The following KDM7A variants were observed in gnomAD, a reference collection of about 807,000 sequenced individuals.
KDM7A encodes the protein lysine-specific demethylase 7A.
Under a neutral mutation model 114.8 loss-of-function variants are expected in KDM7A, and 28 were observed. That is an observed-to-expected ratio of 0.24 (90% confidence interval 0.18 to 0.33). The LOEUF is 0.33. Among genes scored for constraint, KDM7A ranks in the 10% least tolerant of loss-of-function variants. The pLI is 1.00. For synonymous variants in KDM7A, 423 were observed against 397.8 expected (o/e 1.06, Z -0.75); for missense variants, 942 against 1,142.5 (o/e 0.82, Z 2.53).
chr7:140,132,079 G>A (rs1451752750), intron 3 of KDM7A, among the ~76,000 whole-genome samples: 1 of 152,054 alleles, frequency 6.6e-6, no homozygotes, highest in Non-Finnish European at 1.5e-5. Flanking sequence ...GTAGAAAAGG[G>A]TCTCAAAAAA....
chr7:140,099,007 T>C lies in KDM7A; in HGVS notation c.1790A>G (p.Gln597Arg). The C allele has an allele frequency of 6.2e-7, 1 of 1,613,086 alleles. No individual in the cohort carries two copies. The highest frequency in any genetic ancestry group is 1.1e-5 in the South Asian group (1 of 90,984). The change falls in exon 14 of 20, where the codon CAA becomes CGA. Residue 597 changes from glutamine to arginine, a missense_variant. Coordinates refer to ENST00000397560, the MANE Select transcript of KDM7A (RefSeq NM_030647.2). ...TTCACTATCTGCTGTATAAAGACTT[T>C]GATCTGCAAAGGGCTGCCTTTCATC... is the stretch of plus-strand genomic sequence containing the variant. ...IKDERQPFAD[Q>R]SLYTADSENE... is the part of the protein sequence containing the mutation.
At position 140,096,704 on chromosome 7, in the gene KDM7A, G is replaced by A; in HGVS notation, c.2225C>T (p.Ala742Val). 6.2e-7 allele frequency: 1 copy of A among 1,614,128 alleles called. No homozygotes were observed. Among genetic ancestry groups the A allele is most frequent in the Non-Finnish European group, 8.5e-7 (1 of 1,180,002 alleles). The change falls in exon 17 of 20, where the codon GCA (alanine) becomes GTA (valine). Residue 742 changes from alanine (A) to valine (V), a missense_variant. This residue lies in a region of KDM7A where 512 missense variants were observed against 576.6 expected (regional missense o/e 0.89). Transcript: ENST00000397560. ...TAAACACGTGGAATAGTGCAACCCT[G>A]CCATAGACAGCATGCCCTGAATAGC... ...EEAIQGMLSM[A>V]GLHYSTCLQR...
At position 140,101,968 on chromosome 7, in the gene KDM7A, T is replaced by A; in HGVS notation, c.1621A>T (p.Met541Leu). ...ATACTTGCCTCTTCCCATGGACACATCTCTAATCTTTTGAGGACCTCCCTT... is the reference window on the plus strand; with the variant it reads ...ATACTTGCCTCTTCCCATGGACACAACTCTAATCTTTTGAGGACCTCCCTT... Reference protein sequence around the residue: ...HTREVLKRLEMCPWEEDILSS... With the variant: ...HTREVLKRLELCPWEEDILSS... Residue 541 changes from methionine to leucine, a missense_variant, in exon 12 of 20, where the codon ATG becomes TTG. This residue lies in a region of KDM7A where 512 missense variants were observed against 576.6 expected (regional missense o/e 0.89). Coordinates refer to ENST00000397560, the MANE Select transcript of KDM7A (RefSeq NM_030647.2). 1 of 1,611,496 alleles carries A rather than the reference T, an allele frequency of 6.2e-7. No individual in the cohort carries two copies.
chr7:140,171,064 C>CCAACAA (rs71520073), intron 1 of KDM7A, among the ~76,000 whole-genome samples: 14 of 150,202 alleles, frequency 9.3e-5, no homozygotes, highest in African/African-American at 2.2e-4. Context: ...CCCCCATCCC[C>CCAACAA]CAACAACAAC....
Position 140,176,392 on chromosome 7 carries a change from G to A in KDM7A, c.194+352C>T, listed in dbSNP as rs1380212020. On this transcript the variant is annotated intron_variant, in intron 1 of 19. Coordinates refer to ENST00000397560, the MANE Select transcript of KDM7A (RefSeq NM_030647.2). This position sits in a 1 kb window ranked among gnomAD's most constrained non-coding sequence, Gnocchi z 4.4. ...GCGGCGGCGGCCCGGGCTGGCGAGG[G>A]GCTGCGGACCCGGCCGGCGCTCCGC... Among the ~76,000 whole-genome samples, 2 of 144,400 alleles carry A rather than the reference G, an allele frequency of 1.4e-5. No homozygotes were observed. The highest frequency in any genetic ancestry group is 2.1e-4 in the South Asian group (1 of 4,720). 94.7% of individuals were successfully genotyped at this position (144,400 alleles called of 152,430 possible).
At chr7:140,094,303 G>C (rs1033204548) in intron 17 of KDM7A, among the ~76,000 whole-genome samples, 165 bp from the exon 18 acceptor site, 1 of 152,178 alleles carries the variant, frequency 6.6e-6, no homozygotes, top group Admixed American at 6.5e-5. Context: ...TCAGGAGTTC[G>C]AGACCAGCCT....
intron 2 of KDM7A, among the ~76,000 whole-genome samples, chr7:140,134,965 A>G (rs1818843205): frequency 6.6e-6 from 1 of 151,974 alleles, no homozygotes; most frequent in South Asian, 2.1e-4. Context: ...TCAACTATCT[A>G]AGAGTCTAAA....
chr7:140,142,485 C>CT (rs1238570909), intron 1 of KDM7A, among the ~76,000 whole-genome samples: 1 of 151,252 alleles, frequency 6.6e-6, no homozygotes, highest in East Asian at 1.9e-4. Flanking sequence ...AAAAGGAACT[C>CT]TAAGTGGTTG....
intron 6 of KDM7A, among the ~76,000 whole-genome samples, chr7:140,125,949 G>C (rs1818695358): frequency 6.6e-6 from 1 of 151,182 alleles, no homozygotes; most frequent in African/African-American, 2.4e-5. Flanking sequence ...CTGTTGCCCA[G>C]GCTGGAATGC....
intron 11 of KDM7A, 38 bp downstream of exon 11, chr7:140,111,057 T>A (rs752395944): frequency 9.7e-6 from 11 of 1,137,088 alleles, no homozygotes; most frequent in Non-Finnish European, 1.5e-5. Flanking sequence ...TCAAAGCAGA[T>A]AATAATCAAG....
At chr7:140,091,253 AC>A in intron 19 of KDM7A, 65 bp from the exon 20 acceptor site, 1 of 1,089,090 alleles carries the variant, frequency 9.2e-7, no homozygotes. Flanking sequence ...CACCTGGAAG[AC>A]TACGGGGAGA....
Position 140,099,903 on chromosome 7 carries a change from T to G in KDM7A, c.1759A>C (p.Ile587Leu). 1 of 1,609,442 alleles carries G rather than the reference T, an allele frequency of 6.2e-7. No individual in the cohort carries two copies. Among genetic ancestry groups the G allele is most frequent in the East Asian group, 2.2e-5 (1 of 44,866 alleles). ...ACTCTGATTTACTTTACATACTTAATTATTCTTCCATTTGTCAGCAGTAAT... is the reference window on the plus strand; with the variant it reads ...ACTCTGATTTACTTTACATACTTAAGTATTCTTCCATTTGTCAGCAGTAAT... Reference protein sequence around the residue: ...LRLLLTNGRIIKDERQPFADQ... With the variant: ...LRLLLTNGRILKDERQPFADQ... The change falls in exon 13 of 20, where the codon ATT becomes CTT. Residue 587 changes from isoleucine to leucine, a missense_variant. Ile to Leu is a conservative substitution (Grantham distance 5). This residue lies in a region of KDM7A where 512 missense variants were observed against 576.6 expected (regional missense o/e 0.89). Transcript: ENST00000397560.
At chr7:140,131,399 A>T (rs889644609) in intron 3 of KDM7A, among the ~76,000 whole-genome samples, 2 of 152,200 alleles carry the variant, frequency 1.3e-5, no homozygotes, top group African/African-American at 4.8e-5. Flanking sequence ...AAAACACAAT[A>T]GTCTCCACTT....
intron 1 of KDM7A, among the ~76,000 whole-genome samples, chr7:140,166,086 T>A (rs894257822): frequency 9.2e-5 from 14 of 152,268 alleles, no homozygotes; most frequent in Admixed American, 6.5e-4. Flanking sequence ...GTCATGGGTA[T>A]GTATATATAG....
rs151047267 is a variant in KDM7A, at chr7:140,172,263, T to C, written c.194+4481A>G. ...CAGGTCTTCTTCTAAGTGTTTTATA[T>C]GTATTAACTCATTTTATTTATTCTA... On this transcript the variant is annotated intron_variant, in intron 1 of 19. Coordinates refer to ENST00000397560, the MANE Select transcript of KDM7A (RefSeq NM_030647.2). 1.8e-3 allele frequency among the ~76,000 whole-genome samples: 281 copies of C among 152,352 alleles called. 1 individual carries two copies. The highest frequency in any genetic ancestry group is 6.3e-3 in the African/African-American group (260 of 41,582).
In KDM7A at chr7:140,107,885, T is replaced by C. The variant is rs577676394; in HGVS notation, c.1428+3210A>G. On this transcript the variant is annotated intron_variant, in intron 11 of 19. Transcript: ENST00000397560. ...AGAGTGTTTTCCAACTTGGTTCCAT[T>C]CTCCCCGTCACTTTCAGGTACACCT... Among the ~76,000 whole-genome samples the C allele has an allele frequency of 6.6e-5, 10 of 152,328 alleles. 1 individual carries two copies. Among genetic ancestry groups the C allele is most frequent in the African/African-American group, 2.2e-4 (9 of 41,580 alleles).
At position 140,085,950 on chromosome 7, in the gene KDM7A, G is replaced by A. The variant is rs1817918074; in HGVS notation, c.*5144C>T. 6.6e-6 allele frequency: 1 copy of A among 152,152 alleles called. No homozygotes were observed. The highest frequency in any genetic ancestry group is 1.5e-5 in the Non-Finnish European group (1 of 68,028). The allele number at this position is 152,152 out of a possible 1,614,324, so 9.4% of individuals were successfully genotyped here. ...CAAAGAAATATGAGAGTATGTCTGGGTTATTTTATGCCTGCAAAGTATTAT... is the reference window on the plus strand; with the variant it reads ...CAAAGAAATATGAGAGTATGTCTGGATTATTTTATGCCTGCAAAGTATTAT... On this transcript the variant is annotated 3_prime_UTR_variant, in exon 20 of 20. Coordinates refer to ENST00000397560, the MANE Select transcript of KDM7A (RefSeq NM_030647.2).
At chr7:140,166,898 AT>A (rs1046331872) in intron 1 of KDM7A, among the ~76,000 whole-genome samples, 32 of 152,250 alleles carry the variant, frequency 2.1e-4, no homozygotes, top group African/African-American at 6.5e-4. Flanking sequence ...AACTCAAATA[AT>A]TTTTTTCAGC....
In KDM7A at chr7:140,091,005, TGCTCCAGGCAGGGGGACAGCGGAA is replaced by T; in HGVS notation, c.*65_*88del. 1 of 891,150 alleles carries T rather than the reference TGCTCCAGGCAGGGGGACAGCGGAA, an allele frequency of 1.1e-6. No homozygotes were observed. The allele number at this position is 891,150 out of a possible 1,614,324, so 55.2% of individuals were successfully genotyped here. ...CAGTGTTCTTACTATACACACAAAC[TGCTCCAGGCAGGGGGACAGCGGAA>T]GCTCCAGGCTCCTGCACCCCTAGAC... On this transcript the variant is annotated 3_prime_UTR_variant, in exon 20 of 20. Coordinates refer to ENST00000397560, the MANE Select transcript of KDM7A (RefSeq NM_030647.2).
Sources: gnomAD v4.1 joint callset for allele counts (sites outside exome capture counted in the v4.1 genomes callset) on GRCh38, gnomAD v4.1.1 for gene constraint, gnomAD v4.1.1 regional missense constraint, Gnocchi (gnomAD v3.1) non-coding constraint, MANE v1.5 for transcripts, NCBI Gene and HGNC (gene_info 2026-07-23, HGNC 2026-07-21) for gene names.